CADM3: variants seen among roughly 807,000 people sequenced by gnomAD.
CADM3 encodes the protein cell adhesion molecule 3.
Under a neutral mutation model 44.9 loss-of-function variants are expected in CADM3, and 11 were observed. That is an observed-to-expected ratio of 0.25 (90% confidence interval 0.15 to 0.41). The LOEUF (loss-of-function observed/expected upper bound fraction) is 0.41, where lower values mean the gene tolerates loss of function less well. Among genes scored for constraint, CADM3 ranks in the 10% least tolerant of loss-of-function variants. CADM3 has a pLI of 1.00. For missense variants in CADM3, 426 were observed against 512.0 expected, an observed-to-expected ratio of 0.83 and a Z score of 1.62; for synonymous variants, 207 against 205.2, an observed-to-expected ratio of 1.01 and a Z score of -0.08.
intron 1 of CADM3, among the ~76,000 whole-genome samples, chr1:159,180,840 T>C (rs997753391): frequency 1.3e-5 from 2 of 152,220 alleles, no homozygotes; most frequent in African/African-American, 2.4e-5. Context: ...ATTAAACTTT[T>C]CCACAGCATT....
intron 1 of CADM3, among the ~76,000 whole-genome samples, chr1:159,175,060 G>A (rs3026959): frequency 2.3e-3 from 354 of 152,332 alleles, no homozygotes; most frequent in Non-Finnish European, 4.1e-3. Flanking sequence ...CTGGCCAGAT[G>A]CCCAGTGAGG....
chr1:159,172,093 G>T (rs1387715732), intron 1 of CADM3, among the ~76,000 whole-genome samples: 1 of 152,174 alleles, frequency 6.6e-6, no homozygotes, highest in Non-Finnish European at 1.5e-5. Flanking sequence ...GTGCACCGGG[G>T]TTTGGCTCTC....
chr1:159,200,767 G>A, intron 8 of CADM3, 37 bp from the exon 9 acceptor site: 1 of 1,491,660 alleles, frequency 6.7e-7, no homozygotes, highest in Non-Finnish European at 9.1e-7. Context: ...AGGTTGGGAA[G>A]CTGCTCCTGA....
chr1:159,184,318 T>C lies in CADM3; in HGVS notation c.89-7618T>C, dbSNP rs148953764. ...CAGTATTCTGGGCCGCAGCCCCCAA[T>C]ATGTTTTTCCCTTGGAGATAACACT... On this transcript the variant is annotated intron_variant, in intron 1 of 8. Transcript: ENST00000368125. Among the ~76,000 whole-genome samples the C allele has an allele frequency of 1.2e-3, 184 of 152,328 alleles. No individual in the cohort carries two copies. In the Middle Eastern group the frequency reaches 0.014, roughly 11 times the overall value.
At chr1:159,193,182 G>A (rs1649742235) in intron 3 of CADM3, among the ~76,000 whole-genome samples, 1 of 152,196 alleles carries the variant, frequency 6.6e-6, no homozygotes, top group Admixed American at 6.5e-5. Flanking sequence ...GCTGTAAGTG[G>A]AGGGTCATAT....
intron 4 of CADM3, 123 bp downstream of exon 4, chr1:159,193,683 G>A: frequency 6.8e-7 from 1 of 1,473,860 alleles, no homozygotes; most frequent in Non-Finnish European, 9.4e-7. Context: ...CATATATTTT[G>A]TGTGCACTCA....
At position 159,197,194 on chromosome 1, in the gene CADM3, G is replaced by A. The variant is rs1649941126; in HGVS notation, c.952+134G>A. The A allele has an allele frequency of 1.4e-5, 12 of 835,450 alleles. No individual in the cohort carries two copies. The South Asian group carries it at 1.8e-4, about 12-fold the overall frequency. The allele number at this position is 835,450 out of a possible 1,614,324, so 51.8% of individuals were successfully genotyped here. A position where few individuals can be genotyped will look rare whatever the true frequency, so the allele number is the denominator to read the frequency against. On this transcript the variant is annotated intron_variant, in intron 7 of 8. Transcript: ENST00000368125. ...GTAAAGGAAAACCAGCCCACCACTG[G>A]GGTCCCTGAGGGCTTAGGTCCCAGG...
chr1:159,197,108 A>G lies in CADM3; in HGVS notation c.952+48A>G, dbSNP rs1270342128. 5 of 1,572,170 alleles carry G rather than the reference A, an allele frequency of 3.2e-6. No homozygotes were observed. The East Asian group carries it at 1.1e-4, about 35-fold the overall frequency. On this transcript the variant is annotated intron_variant, in intron 7 of 8. Transcript: ENST00000368125. ...CCTCCAGAATCTCCTTTCTCTGTCC[A>G]TCTTATTCCCTTTTTTAAAATGCTT...
chr1:159,180,799 G>A (rs1048427372), intron 1 of CADM3, among the ~76,000 whole-genome samples: 1 of 152,168 alleles, frequency 6.6e-6, no homozygotes, highest in African/African-American at 2.4e-5. Context: ...AACCAGCAGA[G>A]ATGAGTGCTT....
At chr1:159,175,384 A>G (rs61828177) in intron 1 of CADM3, among the ~76,000 whole-genome samples, 8 of 152,218 alleles carry the variant, frequency 5.3e-5, no homozygotes, top group Non-Finnish European at 1.0e-4. Context: ...TCAACTGCCT[A>G]CCCAGCAGTT....
intron 8 of CADM3, 40 bp from the exon 9 acceptor site, chr1:159,200,764 G>A: frequency 6.8e-7 from 1 of 1,479,874 alleles, no homozygotes; most frequent in Admixed American, 2.1e-5. Flanking sequence ...CAGAGGTTGG[G>A]AAGCTGCTCC....
intron 1 of CADM3, among the ~76,000 whole-genome samples, chr1:159,189,056 A>G (rs1649542376): frequency 6.6e-6 from 1 of 152,306 alleles, no homozygotes; most frequent in Non-Finnish European, 1.5e-5. Context: ...TGAGTAGCCC[A>G]TAGAAGGTAG....
intron 2 of CADM3, 151 bp downstream of exon 2, chr1:159,192,227 G>A: frequency 1.2e-6 from 1 of 832,804 alleles, no homozygotes; most frequent in Non-Finnish European, 1.8e-6. Context: ...TTCCCCAACT[G>A]GTTCCAGTAT....
At position 159,196,637 on chromosome 1, in the gene CADM3, A is replaced by G. The variant is rs1190460539; in HGVS notation, c.782+183A>G. ...AAAGCAGCACAAATGGGAAGGGGCCACTCCCTAACTCAGTCCCTGAGTTTC... is the reference window on the plus strand; with the variant it reads ...AAAGCAGCACAAATGGGAAGGGGCCGCTCCCTAACTCAGTCCCTGAGTTTC... On this transcript the variant is annotated intron_variant, in intron 6 of 8. Transcript: ENST00000368125. 4 of 632,140 alleles carry G rather than the reference A, an allele frequency of 6.3e-6. No individual in the cohort carries two copies. In the East Asian group the frequency reaches 1.1e-4, roughly 17 times the overall value. 39.2% of individuals were successfully genotyped at this position (632,140 alleles called of 1,614,324 possible). A position where few individuals can be genotyped will look rare whatever the true frequency, so the allele number is the denominator to read the frequency against.
chr1:159,176,714 G>A (rs896618458), intron 1 of CADM3, among the ~76,000 whole-genome samples: 1 of 152,128 alleles, frequency 6.6e-6, no homozygotes, highest in Non-Finnish European at 1.5e-5. Flanking sequence ...CAGAGAAGTC[G>A]AGCTCTCAAG....
chr1:159,180,740 T>G (rs918658096), intron 1 of CADM3, among the ~76,000 whole-genome samples: 1 of 152,132 alleles, frequency 6.6e-6, no homozygotes, highest in Non-Finnish European at 1.5e-5. Context: ...ACACCCAGAC[T>G]CTGATCATCC....
chr1:159,190,058 C>G (rs1340979088), intron 1 of CADM3, among the ~76,000 whole-genome samples: 1 of 152,180 alleles, frequency 6.6e-6, no homozygotes, highest in Non-Finnish European at 1.5e-5. Context: ...CCTACTCCTT[C>G]TTCCCTTACT....
intron 1 of CADM3, among the ~76,000 whole-genome samples, chr1:159,174,089 G>A (rs984294209): frequency 2.0e-5 from 3 of 152,198 alleles, no homozygotes; most frequent in East Asian, 1.9e-4. Flanking sequence ...ATGAACAGGA[G>A]GGGTCTGTTT....
At chr1:159,174,271 A>G (rs1648934994) in intron 1 of CADM3, among the ~76,000 whole-genome samples, 1 of 152,216 alleles carries the variant, frequency 6.6e-6, no homozygotes, top group African/African-American at 2.4e-5. Flanking sequence ...TAAGAAGGCC[A>G]GTGCTGATGG....
Sources: allele counts gnomAD v4.1 joint callset (sites outside exome capture counted in the v4.1 genomes callset), GRCh38; gene constraint gnomAD v4.1.1; transcripts MANE v1.5; gene names NCBI Gene and HGNC (gene_info 2026-07-23, HGNC 2026-07-21).